Variants in PSME3IP1 observed in about 807,000 individuals in gnomAD.
The protein encoded by PSME3IP1 is proteasome activator subunit 3 interacting protein 1.
PSME3IP1 carries 13 observed loss-of-function variants against 34.1 expected under a neutral mutation model. The ratio of observed to expected loss-of-function variants is 0.38; its 90% CI spans 0.25 to 0.61. PSME3IP1 has a LOEUF of 0.61. Ranked by LOEUF, PSME3IP1 falls within the 20% of genes least tolerant of loss-of-function variation. The pLI is 0.60. For missense variants in PSME3IP1, 237 were observed against 301.4 expected (o/e 0.79, Z 1.58); for synonymous variants, 93 against 114.3 (o/e 0.81, Z 1.19).
At chr16:57,178,744 ACTG>A in intron 1 of PSME3IP1, 3 of 984,752 alleles carry the variant, frequency 3.0e-6, no homozygotes, top group Non-Finnish European at 3.6e-6. Flanking sequence ...TTCAAAAATA[ACTG>A]CTACTTTCCG....
At chr16:57,163,630 A>G (rs1209936346) in intron 6 of PSME3IP1, among the ~76,000 whole-genome samples, 1 of 152,224 alleles carries the variant, frequency 6.6e-6, no homozygotes, top group Non-Finnish European at 1.5e-5. Context: ...GGAGCCAGGT[A>G]TTTACCTCCC....
chr16:57,175,767 G>A (rs2073114634), intron 1 of PSME3IP1: 1 of 151,716 alleles, frequency 6.6e-6, no homozygotes, highest in Non-Finnish European at 1.5e-5. Context: ...CTAAATCTTA[G>A]TTGAAAACAA....
chr16:57,172,100 G>A (rs1241779225), intron 4 of PSME3IP1, 151 bp downstream of exon 4: 1 of 806,546 alleles, frequency 1.2e-6, no homozygotes, highest in African/African-American at 1.7e-5. Flanking sequence ...ACCACTACCA[G>A]CTTTTCAGAA....
At chr16:57,156,627 A>G (rs1321681523) in intron 6 of PSME3IP1, among the ~76,000 whole-genome samples, 1 of 152,238 alleles carries the variant, frequency 6.6e-6, no homozygotes, top group Non-Finnish European at 1.5e-5. Flanking sequence ...GAGCAAGGCT[A>G]CAAAAAAAAG....
At chr16:57,174,379 T>G (rs770565336) in intron 1 of PSME3IP1, 40 of 927,408 alleles carry the variant, frequency 4.3e-5, no homozygotes, top group Non-Finnish European at 5.1e-5. Flanking sequence ...TATCAGAGAA[T>G]TTTTATTAAC....
At chr16:57,164,417 T>C (rs2071615412) in intron 5 of PSME3IP1, among the ~76,000 whole-genome samples, 1 of 152,158 alleles carries the variant, frequency 6.6e-6, no homozygotes, top group Admixed American at 6.6e-5. Context: ...TAATTACAGA[T>C]TGAAGAAAAC....
chr16:57,182,551 TAAAAAAA>T (rs10717048), intron 1 of PSME3IP1, among the ~76,000 whole-genome samples: 1 of 76,754 alleles, frequency 1.3e-5, no homozygotes, highest in Admixed American at 1.6e-4. Context: ...CCATTTCCCT[TAAAAAAA>T]AAAAAAAAAA....
chr16:57,154,405 G>A lies in PSME3IP1; in HGVS notation c.650C>T (p.Ala217Val). The stretch of plus-strand genomic sequence containing the variant: ...CTCGGAGTCGCTGCTCCCAGAGTAG[G>A]CACCCAGGCCTGGGAGGATGCCGAT... ...VCIGILPGLG[A>V]YSGSSDSESS... The change falls in exon 7 of 7, where the codon GCC becomes GTC. Residue 217 changes from alanine to valine, a missense_variant. Coordinates refer to ENST00000309137, the MANE Select transcript of PSME3IP1 (RefSeq NM_024946.4). The surrounding 1 kb of genome is among the most constrained non-coding windows in gnomAD (Gnocchi z 4.0). 1 of 1,614,102 alleles carries A rather than the reference G, an allele frequency of 6.2e-7. No individual in the cohort carries two copies. The highest frequency in any genetic ancestry group is 1.3e-5 in the African/African-American group (1 of 75,020).
At chr16:57,172,139 T>C (rs2072658235) in intron 4 of PSME3IP1, 112 bp downstream of exon 4, 4 of 1,146,538 alleles carry the variant, frequency 3.5e-6, no homozygotes, top group Non-Finnish European at 5.0e-6. Flanking sequence ...TCAAAGGGAC[T>C]TGAGAGATCA....
intron 1 of PSME3IP1, among the ~76,000 whole-genome samples, chr16:57,185,093 G>C (rs879432015): frequency 4.6e-5 from 7 of 152,174 alleles, no homozygotes; most frequent in Non-Finnish European, 8.8e-5. Context: ...CACCAGGCTC[G>C]CATCTGGCTT....
intron 1 of PSME3IP1, among the ~76,000 whole-genome samples, chr16:57,183,970 G>A (rs1449781611): frequency 6.6e-6 from 1 of 152,158 alleles, no homozygotes; most frequent in Non-Finnish European, 1.5e-5. Context: ...AATTCAGACA[G>A]TGGAATTAAA....
chr16:57,186,011 C>T lies in PSME3IP1; in HGVS notation c.-206G>A, dbSNP rs1327992538. The T allele has an allele frequency of 2.6e-5, 26 of 985,262 alleles. No homozygotes were observed. Among genetic ancestry groups the T allele is most frequent in the Non-Finnish European group, 3.0e-5 (25 of 829,936 alleles). The allele number at this position is 985,262 out of a possible 1,614,324, so 61.0% of individuals were successfully genotyped here. On this transcript the variant is annotated 5_prime_UTR_variant, in exon 1 of 7. Coordinates refer to ENST00000309137, the MANE Select transcript of PSME3IP1 (RefSeq NM_024946.4). ...TGCTTTTGTATTTCTTTTGACCCTT[C>T]AGGGCTTCCTGTTCCTCACCGCCAC... is the stretch of plus-strand genomic sequence containing the variant.
chr16:57,159,127 C>T (rs2070926197), intron 6 of PSME3IP1, among the ~76,000 whole-genome samples: 1 of 152,164 alleles, frequency 6.6e-6, no homozygotes, highest in African/African-American at 2.4e-5. Context: ...GGGTAGAGAA[C>T]TGGCCTAACG....
chr16:57,169,750 T>C (rs1195228917), intron 4 of PSME3IP1, among the ~76,000 whole-genome samples: 1 of 152,216 alleles, frequency 6.6e-6, no homozygotes, highest in African/African-American at 2.4e-5. Context: ...TAAAACATAA[T>C]ATCATTCAAG....
At chr16:57,167,336 C>T (rs952954459) in intron 4 of PSME3IP1, 110 bp from the exon 5 acceptor site, 4 of 1,191,122 alleles carry the variant, frequency 3.4e-6, no homozygotes, top group African/African-American at 1.5e-5. Context: ...TAAATAAATG[C>T]CCCACCCTTC....
At chr16:57,167,305 G>GT (rs1163872124) in intron 4 of PSME3IP1, 79 bp from the exon 5 acceptor site, 3 of 1,498,870 alleles carry the variant, frequency 2.0e-6, no homozygotes, top group Non-Finnish European at 2.8e-6. Context: ...GCTGTGCGAT[G>GT]TAATGTCTGG....
In PSME3IP1 at chr16:57,185,010, T is replaced by C. The variant is rs141117726; in HGVS notation, c.-16+811A>G. Among the ~76,000 whole-genome samples, 39 of 152,328 alleles carry C rather than the reference T, an allele frequency of 2.6e-4. 1 individual carries two copies. In the East Asian group the frequency reaches 7.5e-3, roughly 29 times the overall value. The stretch of plus-strand genomic sequence containing the variant: ...TATGGTGTCCCTGTGGACACATGAA[T>C]ACACCAAATAACTGATGAATCGACA... On this transcript the variant is annotated intron_variant, in intron 1 of 6. Transcript: ENST00000309137.
rs10717048 is a variant in PSME3IP1, at chr16:57,182,551, T to TAA, written c.-16+3268_-16+3269dup. 5.8e-3 allele frequency among the ~76,000 whole-genome samples: 446 copies of TAA among 76,728 alleles called. 3 individuals are homozygous for TAA. The highest frequency in any genetic ancestry group is 0.019 in the African/African-American group (351 of 18,674). The allele number at this position is 76,728 out of a possible 152,430, so 50.3% of individuals were successfully genotyped here. A position where few individuals can be genotyped will look rare whatever the true frequency, so the allele number is the denominator to read the frequency against. On this transcript the variant is annotated intron_variant, in intron 1 of 6. Transcript: ENST00000309137. The stretch of plus-strand genomic sequence containing the variant: ...AACATAAGGAGATACCCATTTCCCT[T>TAA]AAAAAAAAAAAAAAAAAAAAAAAAA...
rs796776400 is a variant in PSME3IP1, at chr16:57,185,962, G to GA, written c.-158dup. On this transcript the variant is annotated 5_prime_UTR_variant, in exon 1 of 7. Coordinates refer to ENST00000309137, the MANE Select transcript of PSME3IP1 (RefSeq NM_024946.4). Reference sequence around the variant, plus strand: ...CAGAGGAAGGAATGAATGAAAGAAAGAAAAAAAAAAAGAAAATAGCCTTTG... The same window carrying GA: ...CAGAGGAAGGAATGAATGAAAGAAAGAAAAAAAAAAAAGAAAATAGCCTTTG... 0.035 allele frequency: 19,496 copies of GA among 557,824 alleles called. No homozygotes were observed. Among genetic ancestry groups the GA allele is most frequent in the Non-Finnish European group, 0.04 (17,794 of 443,030 alleles). The allele number at this position is 557,824 out of a possible 1,614,324, so 34.6% of individuals were successfully genotyped here. A position where few individuals can be genotyped will look rare whatever the true frequency, so the allele number is the denominator to read the frequency against.
Sources: allele counts gnomAD v4.1 joint callset (sites outside exome capture counted in the v4.1 genomes callset), GRCh38; gene constraint gnomAD v4.1.1; non-coding constraint Gnocchi (gnomAD v3.1); transcripts MANE v1.5; gene names NCBI Gene and HGNC (gene_info 2026-07-23, HGNC 2026-07-21).